ADGRV1: variants seen among roughly 807,000 people sequenced by gnomAD.
ADGRV1 encodes the protein adhesion G protein-coupled receptor V1.
A neutral mutation model predicts 596.2 loss-of-function variants in ADGRV1; 359 were observed. The observed-to-expected ratio is 0.60, with a 90% confidence interval of 0.55 to 0.66. ADGRV1 has a LOEUF of 0.66. Ranked by LOEUF, ADGRV1 falls within the 30% of genes least tolerant of loss-of-function variation. The pLI, the probability that ADGRV1 is intolerant of heterozygous loss-of-function variation, is 0.00. For synonymous variants in ADGRV1, 2,681 were observed against 2,679.2 expected (o/e 1.00, Z -0.02); for missense variants, 7,274 against 7,575.6 (o/e 0.96, Z 1.48).
intron 83 of ADGRV1, among the ~76,000 whole-genome samples, chr5:90,893,820 A>G (rs755846180): frequency 1.1e-4 from 16 of 152,204 alleles, no homozygotes; most frequent in Non-Finnish European, 1.6e-4. Context: ...TATTTTTTCC[A>G]TGCCCTGCAG....
rs1307612655 is a variant in ADGRV1, at chr5:91,102,259, G to A, written c.18351G>A (p.Val6117=). The A allele has an allele frequency of 6.2e-7, 1 of 1,610,864 alleles. No homozygotes were observed. The highest frequency in any genetic ancestry group is 1.1e-5 in the South Asian group (1 of 90,648). Residue 6117 remains valine (V), a synonymous_variant, in exon 87 of 90, where the codon GTG becomes GTA. Coordinates refer to ENST00000405460, the MANE Select transcript of ADGRV1 (RefSeq NM_032119.4). ...TATATCTCTTTGCTCTGATTTCCGT[G>A]ACATGGCTTTGGGGAGGACTACACA... The part of the protein sequence containing the change: ...LILYLFALIS[V]TWLWGGLHMA...
intron 82 of ADGRV1, among the ~76,000 whole-genome samples, chr5:90,862,006 C>CCACT (rs1767635716): frequency 6.6e-6 from 1 of 152,216 alleles, no homozygotes; most frequent in Admixed American, 6.5e-5. Context: ...TATCTTCCTG[C>CCACT]CACTGGCTTT....
intron 78 of ADGRV1, among the ~76,000 whole-genome samples, chr5:90,843,152 T>C (rs541636735): frequency 8.5e-5 from 13 of 152,266 alleles, no homozygotes; most frequent in African/African-American, 2.9e-4. Flanking sequence ...TATTTTTACA[T>C]TGATAAAATG....
chr5:91,092,111 T>G (rs1341517486), intron 86 of ADGRV1, among the ~76,000 whole-genome samples: 1 of 151,556 alleles, frequency 6.6e-6, no homozygotes, highest in African/African-American at 2.4e-5. Flanking sequence ...TGAGATGTCC[T>G]TTTTTTTGAG....
chr5:90,561,016 C>T (rs1754753940), intron 1 of ADGRV1, among the ~76,000 whole-genome samples: 3 of 152,090 alleles, frequency 2.0e-5, no homozygotes, highest in Admixed American at 2.0e-4. Context: ...TTGTTCATAT[C>T]CTATGATGAA....
intron 83 of ADGRV1, among the ~76,000 whole-genome samples, chr5:90,928,312 T>G (rs2150781620): frequency 6.6e-6 from 1 of 152,252 alleles, no homozygotes; most frequent in East Asian, 1.9e-4. Context: ...CTCATATTTC[T>G]TGGAGGCTTT....
At chr5:90,769,138 C>A (rs79502041) in intron 59 of ADGRV1, among the ~76,000 whole-genome samples, 1,778 of 152,210 alleles carry the variant, frequency 0.012, 36 homozygotes, top group African/African-American at 0.041. Flanking sequence ...GGTAATAAGT[C>A]CTTTCCAGAA....
chr5:90,638,339 G>A (rs1159623105), intron 11 of ADGRV1, among the ~76,000 whole-genome samples: 1 of 151,934 alleles, frequency 6.6e-6, no homozygotes, highest in Admixed American at 6.6e-5. Context: ...TAGAGCTTGT[G>A]AGTAAAAAGA....
chr5:90,944,307 A>G (rs555521776), intron 83 of ADGRV1, among the ~76,000 whole-genome samples: 2 of 152,164 alleles, frequency 1.3e-5, no homozygotes, highest in Non-Finnish European at 2.9e-5. Context: ...AGTGACCCCA[A>G]GTTGCTCTGT....
chr5:90,668,270 G>A (rs538268715), intron 21 of ADGRV1, among the ~76,000 whole-genome samples: 1 of 151,954 alleles, frequency 6.6e-6, no homozygotes, highest in Non-Finnish European at 1.5e-5. Context: ...AGACTCCATG[G>A]GTGTAGGACC....
At chr5:90,763,861 T>G (rs1756786981) in intron 59 of ADGRV1, among the ~76,000 whole-genome samples, 1 of 152,222 alleles carries the variant, frequency 6.6e-6, no homozygotes, top group South Asian at 2.1e-4. Flanking sequence ...ATGATTTAAT[T>G]ATTTTATATG....
chr5:91,032,581 T>A (rs1784567759), intron 85 of ADGRV1, among the ~76,000 whole-genome samples: 1 of 151,888 alleles, frequency 6.6e-6, no homozygotes, highest in East Asian at 1.9e-4. Flanking sequence ...CTGCTAATTA[T>A]AATTATATAT....
chr5:90,720,230 T>C lies in ADGRV1; in HGVS notation c.9623+7T>C. On this transcript the variant is annotated splice_region_variant and intron_variant, in intron 44 of 89. Coordinates refer to ENST00000405460, the MANE Select transcript of ADGRV1 (RefSeq NM_032119.4). ...TCTCTGCAGTTGAAAATAGGTATAG[T>C]TTATTCATAAGGAAATTATCACTTC... 6.0e-6 allele frequency: 9 copies of C among 1,506,970 alleles called. No homozygotes were observed. The highest frequency in any genetic ancestry group is 7.1e-6 in the Non-Finnish European group (8 of 1,121,890). 93.3% of individuals were successfully genotyped at this position (1,506,970 alleles called of 1,614,324 possible). A position where few individuals can be genotyped will look rare whatever the true frequency, so the allele number is the denominator to read the frequency against.
At chr5:90,925,560 A>G (rs1454868196) in intron 83 of ADGRV1, among the ~76,000 whole-genome samples, 2 of 152,136 alleles carry the variant, frequency 1.3e-5, no homozygotes, top group African/African-American at 4.8e-5. Context: ...CTAGATATAC[A>G]GTCATGTCGT....
At chr5:90,660,005 G>T (rs538268981) in intron 21 of ADGRV1, among the ~76,000 whole-genome samples, 1 of 151,612 alleles carries the variant, frequency 6.6e-6, no homozygotes. Context: ...GCACTCCAGC[G>T]TGGGTGACAC....
intron 83 of ADGRV1, among the ~76,000 whole-genome samples, chr5:90,876,847 C>G (rs1487756212): frequency 3.9e-5 from 6 of 152,188 alleles, no homozygotes; most frequent in Non-Finnish European, 7.3e-5. Flanking sequence ...TGCTCCCGTT[C>G]TCCAACTATT....
At chr5:91,074,187 A>C (rs763579608) in intron 86 of ADGRV1, among the ~76,000 whole-genome samples, 11 of 152,116 alleles carry the variant, frequency 7.2e-5, no homozygotes, top group African/African-American at 2.4e-4. Flanking sequence ...CATTTATTTT[A>C]GGTTGAGAGG....
At chr5:90,644,949 G>A in intron 15 of ADGRV1, 80 bp downstream of exon 15, 1 of 1,018,416 alleles carries the variant, frequency 9.8e-7, no homozygotes, top group Non-Finnish European at 1.4e-6. Flanking sequence ...TAAACATCTG[G>A]TAATATATTT....
intron 1 of ADGRV1, among the ~76,000 whole-genome samples, chr5:90,609,643 A>C (rs978813470): frequency 6.6e-6 from 1 of 152,006 alleles, no homozygotes; most frequent in Non-Finnish European, 1.5e-5. Context: ...ATAGTTTTAG[A>C]ATGCCCCTTA....
Sources: gnomAD v4.1 joint callset for allele counts (sites outside exome capture counted in the v4.1 genomes callset) on GRCh38, gnomAD v4.1.1 for gene constraint, MANE v1.5 for transcripts, NCBI Gene and HGNC (gene_info 2026-07-23, HGNC 2026-07-21) for gene names.